The following COLEC12 variants were observed in gnomAD, a reference collection of about 807,000 sequenced individuals.
COLEC12 encodes the protein collectin subfamily member 12.
A neutral mutation model predicts 71.1 loss-of-function variants in COLEC12; 33 were observed. The observed-to-expected ratio is 0.46, with a 90% CI of 0.35 to 0.62. The LOEUF (loss-of-function observed/expected upper bound fraction) is 0.62, where lower values mean the gene tolerates loss of function less well. COLEC12 is among the 20% of genes least tolerant of loss of function. The pLI is 0.00. For synonymous variants in COLEC12, 350 were observed against 353.0 expected (o/e 0.99, Z 0.10); for missense variants, 765 against 916.1 (o/e 0.84, Z 2.13).
At chr18:481,743 C>T (rs951875107) in intron 1 of COLEC12, among the ~76,000 whole-genome samples, 1 of 151,966 alleles carries the variant, frequency 6.6e-6, no homozygotes. Context: ...TATCACCCAA[C>T]CTTTCTACCA....
intron 2 of COLEC12, among the ~76,000 whole-genome samples, chr18:358,091 G>C (rs1210168799): frequency 6.6e-6 from 1 of 152,192 alleles, no homozygotes. Context: ...ATCTCAGGTG[G>C]AGCAGTTTCA....
chr18:439,808 A>G (rs1307309273), intron 2 of COLEC12, among the ~76,000 whole-genome samples: 1 of 152,192 alleles, frequency 6.6e-6, no homozygotes, highest in Non-Finnish European at 1.5e-5. Flanking sequence ...TAAAAACAGA[A>G]CTACCATATG....
rs114532165 is a variant in COLEC12 at position 399,706 on chromosome 18, C to T, written c.59-42184G>A. ...GTGCTGTTACCTGTTGTTAGTTCAA[C>T]GGGGATGCGGAATTTGGGGTGGATG... On this transcript the variant is annotated intron_variant, in intron 2 of 9. Coordinates refer to ENST00000400256, the MANE Select transcript of COLEC12 (RefSeq NM_130386.3). The surrounding 1 kb of genome is among the most constrained non-coding windows in gnomAD (Gnocchi z 4.0). Among the ~76,000 whole-genome samples, 98 of 152,188 alleles carry T rather than the reference C, an allele frequency of 6.4e-4. No homozygotes were observed. Among genetic ancestry groups the T allele is most frequent in the African/African-American group, 2.1e-3 (87 of 41,520 alleles).
chr18:368,723 G>T (rs532795531), intron 2 of COLEC12, among the ~76,000 whole-genome samples: 1 of 152,160 alleles, frequency 6.6e-6, no homozygotes, highest in Admixed American at 6.5e-5. Context: ...AAAATTAGCC[G>T]GGCGTGGTGG....
rs57037834 is a variant in COLEC12, at chr18:499,235, G to T, written c.7+1273C>A. Among the ~76,000 whole-genome samples, 1,754 of 152,300 alleles carry T rather than the reference G, an allele frequency of 0.012. 154 individuals carry two copies. The East Asian group carries it at 0.24, about 20-fold the overall frequency. Reference sequence around the variant, plus strand: ...GCCACTGCATTTTGAAATTCTCTAGGTAGGCAGTTGTATCGTGTCTTTTGT... The same window carrying T: ...GCCACTGCATTTTGAAATTCTCTAGTTAGGCAGTTGTATCGTGTCTTTTGT... On this transcript the variant is annotated intron_variant, in intron 1 of 9. Coordinates refer to ENST00000400256, the MANE Select transcript of COLEC12 (RefSeq NM_130386.3).
intron 1 of COLEC12, among the ~76,000 whole-genome samples, chr18:486,673 C>A (rs1917524247): frequency 1.3e-5 from 2 of 152,292 alleles, no homozygotes; most frequent in Non-Finnish European, 2.9e-5. Flanking sequence ...CCTGTGCTAG[C>A]AGCCGGGAAA....
rs1177830171 is a variant in COLEC12 at position 347,187 on chromosome 18, A to G, written c.435T>C (p.Ala145=). 4 of 1,614,068 alleles carry G rather than the reference A, an allele frequency of 2.5e-6. No individual in the cohort carries two copies. Among genetic ancestry groups the G allele is most frequent in the African/African-American group, 1.3e-5 (1 of 74,922 alleles). ...TLEKLQASGD[A]LVDRQSQLKE... is the part of the protein sequence containing the mutation. Reference sequence around the variant, plus strand: ...TCAATTGACTCTGCCTGTCCACCAGAGCATCCCCGCTCGCCTGTAACTTCT... The same window carrying G: ...TCAATTGACTCTGCCTGTCCACCAGGGCATCCCCGCTCGCCTGTAACTTCT... The change falls in exon 5 of 10, where the codon GCT becomes GCC. Residue 145 remains alanine, a synonymous_variant. Transcript: ENST00000400256.
chr18:455,339 A>G (rs1390381001), intron 2 of COLEC12, among the ~76,000 whole-genome samples: 2 of 145,232 alleles, frequency 1.4e-5, no homozygotes, highest in Non-Finnish European at 3.0e-5. Flanking sequence ...GTGCAGTGGC[A>G]CAATCTCAGC....
chr18:371,213 G>A (rs1241090197), intron 2 of COLEC12, among the ~76,000 whole-genome samples: 1 of 152,166 alleles, frequency 6.6e-6, no homozygotes, highest in East Asian at 1.9e-4. Context: ...ATATACTACA[G>A]TCAAAGGAAA....
intron 2 of COLEC12, among the ~76,000 whole-genome samples, chr18:454,811 T>C (rs911241585): frequency 4.6e-5 from 7 of 152,250 alleles, no homozygotes; most frequent in Non-Finnish European, 7.3e-5. Context: ...TCATCTGCCA[T>C]GAGGGCAGGT....
intron 1 of COLEC12, among the ~76,000 whole-genome samples, chr18:482,178 C>T (rs148904533): frequency 0.015 from 2,231 of 150,592 alleles, 52 homozygotes; most frequent in Non-Finnish European, 0.016. Context: ...TGCAGTGGCG[C>T]GATCTCGGCT....
intron 5 of COLEC12, among the ~76,000 whole-genome samples, chr18:338,984 A>ATTTTTTTTTTTT (rs33991062): frequency 6.9e-6 from 1 of 144,490 alleles, no homozygotes; most frequent in Non-Finnish European, 1.5e-5. Flanking sequence ...TATTGTCTTA[A>ATTTTTTTTTTTT]TTTTTTTTTT....
At chr18:430,320 A>AT (rs1484275199) in intron 2 of COLEC12, among the ~76,000 whole-genome samples, 7 of 148,728 alleles carry the variant, frequency 4.7e-5, no homozygotes, top group Non-Finnish European at 4.4e-5. Flanking sequence ...GGTGTCAGAG[A>AT]GAGATTCTGT....
intron 5 of COLEC12, among the ~76,000 whole-genome samples, chr18:340,318 T>C (rs1485580921): frequency 6.6e-6 from 1 of 152,084 alleles, no homozygotes; most frequent in Admixed American, 6.6e-5. Flanking sequence ...GGTAAAGCTG[T>C]CACAAGCTCC....
At chr18:400,570 T>C (rs1274722426) in intron 2 of COLEC12, among the ~76,000 whole-genome samples, 1 of 152,214 alleles carries the variant, frequency 6.6e-6, no homozygotes, top group Non-Finnish European at 1.5e-5. Flanking sequence ...TTCAGCCGTA[T>C]TGTGCAAACC....
intron 2 of COLEC12, among the ~76,000 whole-genome samples, chr18:474,701 T>C (rs992459301): frequency 2.0e-5 from 3 of 152,228 alleles, no homozygotes; most frequent in Non-Finnish European, 4.4e-5. Context: ...AGCTACTCTG[T>C]GACTCCCCTT....
At chr18:330,609 T>G (rs1322078485) in intron 8 of COLEC12, among the ~76,000 whole-genome samples, 3 of 152,112 alleles carry the variant, frequency 2.0e-5, no homozygotes, top group Non-Finnish European at 4.4e-5. Flanking sequence ...ATCAAACTGA[T>G]GCAATACAGT....
At position 500,469 on chromosome 18, in the gene COLEC12, C is replaced by G; in HGVS notation, c.7+39G>C. The G allele has an allele frequency of 3.3e-6, 4 of 1,217,476 alleles. No homozygotes were observed. The highest frequency in any genetic ancestry group is 4.1e-6 in the Non-Finnish European group (4 of 977,330). The allele number at this position is 1,217,476 out of a possible 1,614,324, so 75.4% of individuals were successfully genotyped here. A position where few individuals can be genotyped will look rare whatever the true frequency, so the allele number is the denominator to read the frequency against. Reference sequence around the variant, plus strand: ...CCTCCCGCGCGCCCCGAAGCCCGTTCCCCCCGCCCAGAGCCCCGCGGAGCT... The same window carrying G: ...CCTCCCGCGCGCCCCGAAGCCCGTTGCCCCCGCCCAGAGCCCCGCGGAGCT... On this transcript the variant is annotated intron_variant, in intron 1 of 9. Transcript: ENST00000400256. This position sits in a 1 kb window ranked among gnomAD's most constrained non-coding sequence, Gnocchi z 5.3.
At chr18:490,649 T>C (rs1310224266) in intron 1 of COLEC12, among the ~76,000 whole-genome samples, 1 of 152,166 alleles carries the variant, frequency 6.6e-6, no homozygotes. Context: ...AATAAAAGCA[T>C]TCAGGTCCAA....
Sources: gnomAD v4.1 joint callset for allele counts (sites outside exome capture counted in the v4.1 genomes callset) on GRCh38, gnomAD v4.1.1 for gene constraint, Gnocchi (gnomAD v3.1) non-coding constraint, MANE v1.5 for transcripts, NCBI Gene and HGNC (gene_info 2026-07-23, HGNC 2026-07-21) for gene names.